Variants in MYT1L observed in about 807,000 individuals in gnomAD.
MYT1L encodes myelin transcription factor 1 like.
Under a neutral mutation model 126.7 loss-of-function variants are expected in MYT1L, and 12 were observed. That is an observed-to-expected ratio of 0.09 (90% CI 0.06 to 0.15). The LOEUF (loss-of-function observed/expected upper bound fraction) is 0.15. MYT1L is among the 10% of genes least tolerant of loss of function. The probability of loss-of-function intolerance (pLI) is 1.00; values close to 1 mark genes in which losing one functional copy is unlikely to be tolerated. For synonymous variants in MYT1L, 541 were observed against 604.2 expected, an observed-to-expected ratio of 0.90 and a Z score of 1.53; for missense variants, 979 against 1,585.2, an observed-to-expected ratio of 0.62 and a Z score of 6.49.
intron 3 of MYT1L, among the ~76,000 whole-genome samples, chr2:2,070,647 T>A (rs1434384780): frequency 2.6e-5 from 4 of 152,234 alleles, no homozygotes; most frequent in Non-Finnish European, 5.9e-5. Context: ...ATTCAGCAAA[T>A]CCTGACATGT....
At chr2:2,024,896 T>C (rs1341858116) in intron 4 of MYT1L, among the ~76,000 whole-genome samples, 1 of 152,258 alleles carries the variant, frequency 6.6e-6, no homozygotes, top group East Asian at 1.9e-4. Context: ...TTTTCAGCCT[T>C]AGCTCTGACT....
At chr2:2,189,860 A>G (rs537435345) in intron 2 of MYT1L, among the ~76,000 whole-genome samples, 5,572 of 150,170 alleles carry the variant, frequency 0.037, 401 homozygotes, top group African/African-American at 0.13. Flanking sequence ...CAGCGTTCTC[A>G]GGACCGCACG....
intron 3 of MYT1L, among the ~76,000 whole-genome samples, chr2:2,056,990 G>T (rs946186927): frequency 2.6e-5 from 4 of 152,144 alleles, no homozygotes; most frequent in African/African-American, 9.7e-5. Context: ...CTGGAAGAAA[G>T]AATACAGAGA....
In MYT1L at chr2:1,892,020, T is replaced by G; in HGVS notation, c.2283+17A>C. ...CCCCCACCCGCCAGGTGGCTCCACCTGCCCAGGCGCGCGTACCCGCGTGGC... is the reference window on the plus strand; with the variant it reads ...CCCCCACCCGCCAGGTGGCTCCACCGGCCCAGGCGCGCGTACCCGCGTGGC... On this transcript the variant is annotated intron_variant, in intron 15 of 24. Transcript: ENST00000647738. 1 of 1,498,084 alleles carries G rather than the reference T, an allele frequency of 6.7e-7. No individual in the cohort carries two copies. The highest frequency in any genetic ancestry group is 8.9e-7 in the Non-Finnish European group (1 of 1,123,864). The allele number at this position is 1,498,084 out of a possible 1,614,324, so 92.8% of individuals were successfully genotyped here.
At position 1,823,765 on chromosome 2, in the gene MYT1L, G is replaced by T. The variant is rs71440697; in HGVS notation, c.3081-14598C>A. Among the ~76,000 whole-genome samples, 1,336 of 152,366 alleles carry T rather than the reference G, an allele frequency of 8.8e-3. 9 individuals are homozygous for T. The highest frequency in any genetic ancestry group is 0.013 in the Non-Finnish European group (884 of 68,036). On this transcript the variant is annotated intron_variant, in intron 21 of 24. Transcript: ENST00000647738. Reference sequence around the variant, plus strand: ...CGATGAGGCTGGGTCCCTGTAGGAAGATCCGTGGCTGGAGGCGTGTTCAGC... The same window carrying T: ...CGATGAGGCTGGGTCCCTGTAGGAATATCCGTGGCTGGAGGCGTGTTCAGC...
chr2:2,162,301 C>T (rs912595007), intron 3 of MYT1L, among the ~76,000 whole-genome samples: 7 of 151,738 alleles, frequency 4.6e-5, no homozygotes, highest in African/African-American at 7.3e-5. Flanking sequence ...CTGGGGTCCA[C>T]GGAGAAAGGG....
intron 3 of MYT1L, among the ~76,000 whole-genome samples, chr2:2,104,909 G>A (rs559982988): frequency 6.6e-6 from 1 of 152,258 alleles, no homozygotes; most frequent in South Asian, 2.1e-4. Context: ...TCTTTAAGGA[G>A]AGGTCACACC....
At chr2:2,297,370 G>C (rs1177997091) in intron 1 of MYT1L, among the ~76,000 whole-genome samples, 1 of 152,186 alleles carries the variant, frequency 6.6e-6, no homozygotes, top group African/African-American at 2.4e-5. Flanking sequence ...GGGGTGGATG[G>C]GACACCTGCA....
intron 3 of MYT1L, among the ~76,000 whole-genome samples, chr2:2,159,902 A>C (rs754552913): frequency 6.6e-6 from 1 of 151,988 alleles, no homozygotes; most frequent in Non-Finnish European, 1.5e-5. Flanking sequence ...GCAGGCTGTG[A>C]GTGAATTCAA....
At chr2:2,048,172 A>C (rs1182191148) in intron 4 of MYT1L, among the ~76,000 whole-genome samples, 3 of 152,170 alleles carry the variant, frequency 2.0e-5, no homozygotes, top group Non-Finnish European at 4.4e-5. Flanking sequence ...CAAAACCATT[A>C]GTACCAGTAA....
At chr2:1,858,582 G>A (rs774802747) in intron 18 of MYT1L, among the ~76,000 whole-genome samples, 9 of 152,158 alleles carry the variant, frequency 5.9e-5, no homozygotes, top group Non-Finnish European at 1.0e-4. Flanking sequence ...GAGCCCCCTT[G>A]GATTTGGTAT....
intron 18 of MYT1L, among the ~76,000 whole-genome samples, chr2:1,881,355 C>CGTGT (rs59171974): frequency 0.012 from 1,615 of 139,198 alleles, 20 homozygotes; most frequent in Middle Eastern, 0.019. Flanking sequence ...TTTGCAGGTT[C>CGTGT]GTGTGTGTGT....
chr2:2,269,014 C>A (rs181431102), intron 2 of MYT1L, among the ~76,000 whole-genome samples: 1 of 151,976 alleles, frequency 6.6e-6, no homozygotes, highest in Non-Finnish European at 1.5e-5. Context: ...GCATTCGGGG[C>A]GATGTGTAGA....
intron 2 of MYT1L, among the ~76,000 whole-genome samples, chr2:2,196,487 A>T (rs1404675403): frequency 1.3e-5 from 2 of 151,608 alleles, no homozygotes; most frequent in Non-Finnish European, 2.9e-5. Context: ...CTTATAATTT[A>T]GTGTATTTAT....
chr2:2,067,008 T>A (rs1363199685), intron 3 of MYT1L, among the ~76,000 whole-genome samples: 3 of 152,348 alleles, frequency 2.0e-5, no homozygotes, highest in South Asian at 4.1e-4. Context: ...AAACTTAATA[T>A]GGTAACGGTC....
chr2:1,973,129 G>A (rs1214150964), intron 8 of MYT1L, among the ~76,000 whole-genome samples: 1 of 152,096 alleles, frequency 6.6e-6, no homozygotes, highest in Non-Finnish European at 1.5e-5. Flanking sequence ...GGCCTTACTA[G>A]GAATTTCCTC....
chr2:2,166,816 T>C (rs1410010454), intron 3 of MYT1L, among the ~76,000 whole-genome samples: 2 of 152,254 alleles, frequency 1.3e-5, no homozygotes, highest in Non-Finnish European at 2.9e-5. Context: ...TTTTAGTTTG[T>C]CTATCCTATA....
chr2:1,859,363 A>G (rs2148600551), intron 18 of MYT1L, among the ~76,000 whole-genome samples: 1 of 152,320 alleles, frequency 6.6e-6, no homozygotes, highest in African/African-American at 2.4e-5. Flanking sequence ...TACATGGGAA[A>G]TAATTTTAAA....
intron 2 of MYT1L, among the ~76,000 whole-genome samples, chr2:2,173,551 AAT>A: frequency 6.6e-6 from 1 of 152,340 alleles, no homozygotes; most frequent in Middle Eastern, 3.4e-3. Flanking sequence ...GTTTTTCTGC[AAT>A]GTTATCTCAG....
Sources: gnomAD v4.1 joint callset for allele counts (sites outside exome capture counted in the v4.1 genomes callset) on GRCh38, gnomAD v4.1.1 for gene constraint, MANE v1.5 for transcripts, NCBI Gene and HGNC (gene_info 2026-07-23, HGNC 2026-07-21) for gene names.